Variants in TYW1 observed in about 807,000 individuals in gnomAD.
TYW1 encodes the protein S-adenosyl-L-methionine-dependent tRNA 4-demethylwyosine synthase TYW1.
TYW1 carries 46 observed loss-of-function variants against 96.2 expected under a neutral mutation model. The observed-to-expected ratio is 0.48, with a 90% confidence interval of 0.38 to 0.61. The LOEUF is 0.61. Among genes scored for constraint, TYW1 ranks in the 20% least tolerant of loss-of-function variants. The pLI is 0.00. For missense variants in TYW1, 684 were observed against 909.6 expected (o/e 0.75, Z 3.19); for synonymous variants, 274 against 323.0 (o/e 0.85, Z 1.63).
chr7:67,096,257 G>GCA (rs1796909385), intron 11 of TYW1, among the ~76,000 whole-genome samples: 1 of 152,034 alleles, frequency 6.6e-6, no homozygotes, highest in Non-Finnish European at 1.5e-5. Context: ...GGGCATGGTG[G>GCA]TGGGCACCTG....
At chr7:67,163,754 C>T (rs1260511897) in intron 13 of TYW1, among the ~76,000 whole-genome samples, 2 of 151,758 alleles carry the variant, frequency 1.3e-5, no homozygotes, top group East Asian at 1.9e-4. Flanking sequence ...CTGCAACCTC[C>T]GCCTCCTGGG....
At chr7:67,219,771 T>G (rs1801319789) in intron 15 of TYW1, among the ~76,000 whole-genome samples, 1 of 151,910 alleles carries the variant, frequency 6.6e-6, no homozygotes, top group African/African-American at 2.4e-5. Flanking sequence ...ATTTCTCTCC[T>G]TTTAAAAATT....
rs372198295 is a variant in TYW1, at chr7:67,000,623, A to G, written c.273+1669A>G. On this transcript the variant is annotated intron_variant, in intron 3 of 15. Transcript: ENST00000359626. ...CAAAAAATTTATTTAATTTTTTTGTAGAGACAAGATCTTGCAATCTTGTCC... is the reference window on the plus strand; with the variant it reads ...CAAAAAATTTATTTAATTTTTTTGTGGAGACAAGATCTTGCAATCTTGTCC... Among the ~76,000 whole-genome samples, 3 of 152,110 alleles carry G rather than the reference A, an allele frequency of 2.0e-5. No individual in the cohort carries two copies. In the East Asian group the frequency reaches 5.8e-4, roughly 29 times the overall value.
intron 15 of TYW1, among the ~76,000 whole-genome samples, chr7:67,231,860 T>C (rs1413953600): frequency 1.3e-5 from 2 of 149,902 alleles, no homozygotes; most frequent in East Asian, 3.9e-4. Flanking sequence ...ATTTTTTTTT[T>C]CTCCTTTCTG....
chr7:67,218,393 G>T (rs1368338545), intron 15 of TYW1, among the ~76,000 whole-genome samples: 1 of 148,762 alleles, frequency 6.7e-6, no homozygotes, highest in Non-Finnish European at 1.5e-5. Flanking sequence ...TCGCCCTGTT[G>T]CTCAGGCTCT....
In TYW1 at chr7:66,996,923, C is replaced by A. The variant is rs1305416027; in HGVS notation, c.-56C>A. On this transcript the variant is annotated 5_prime_UTR_variant, in exon 1 of 16. Coordinates refer to ENST00000359626, the MANE Select transcript of TYW1 (RefSeq NM_018264.4). ...CTCGGTGCGTCTCGCGGTACCAGTGCGAATCATCGGGCTATCCAGGTCCGA... is the reference window on the plus strand; with the variant it reads ...CTCGGTGCGTCTCGCGGTACCAGTGAGAATCATCGGGCTATCCAGGTCCGA... 2 of 1,612,994 alleles carry A rather than the reference C, an allele frequency of 1.2e-6. No individual in the cohort carries two copies. Among genetic ancestry groups the A allele is most frequent in the African/African-American group, 2.7e-5 (2 of 74,950 alleles).
chr7:67,193,551 G>A (rs949409501), intron 14 of TYW1, among the ~76,000 whole-genome samples: 11 of 152,128 alleles, frequency 7.2e-5, no homozygotes, highest in African/African-American at 2.7e-4. Context: ...TTGAGGTCAG[G>A]AGTTCAAGAC....
At chr7:67,013,537 A>G (rs1207283549) in intron 4 of TYW1, among the ~76,000 whole-genome samples, 1 of 152,102 alleles carries the variant, frequency 6.6e-6, no homozygotes, top group Non-Finnish European at 1.5e-5. Context: ...AACAATCTCA[A>G]ACACCAAATA....
At chr7:67,067,199 T>C (rs150639963) in intron 9 of TYW1, 86 bp from the exon 10 acceptor site, 4 of 1,414,030 alleles carry the variant, frequency 2.8e-6, no homozygotes, top group Middle Eastern at 1.8e-4. Flanking sequence ...ACGAAACACA[T>C]GGTTTCTCTT....
chr7:67,183,593 T>G (rs1458061112), intron 14 of TYW1, among the ~76,000 whole-genome samples: 2 of 152,190 alleles, frequency 1.3e-5, no homozygotes, highest in Non-Finnish European at 2.9e-5. Context: ...TTCAGACATA[T>G]ACGGAAGTAG....
intron 10 of TYW1, among the ~76,000 whole-genome samples, chr7:67,073,767 C>CAAAAAAA (rs71526599): frequency 4.7e-5 from 2 of 42,322 alleles, no homozygotes; most frequent in African/African-American, 1.0e-4. Context: ...CGAGACTCTT[C>CAAAAAAA]AAAAAAAAAA....
chr7:67,197,325 T>C (rs1490122592), intron 15 of TYW1, among the ~76,000 whole-genome samples: 3 of 123,986 alleles, frequency 2.4e-5, no homozygotes, highest in Non-Finnish European at 5.0e-5. Flanking sequence ...GAGACCTCTG[T>C]CTTTTTTTTT....
At chr7:67,217,190 A>C (rs1473083533) in intron 15 of TYW1, among the ~76,000 whole-genome samples, 1 of 151,916 alleles carries the variant, frequency 6.6e-6, no homozygotes, top group Non-Finnish European at 1.5e-5. Flanking sequence ...CATCATTTGC[A>C]ATTTTTTTCC....
At chr7:67,230,831 G>A (rs1801731729) in intron 15 of TYW1, among the ~76,000 whole-genome samples, 1 of 151,552 alleles carries the variant, frequency 6.6e-6, no homozygotes, top group African/African-American at 2.4e-5. Flanking sequence ...GTAGAGGCGG[G>A]GTTTCACCTT....
At chr7:67,199,654 C>T (rs936920041) in intron 15 of TYW1, among the ~76,000 whole-genome samples, 2 of 152,134 alleles carry the variant, frequency 1.3e-5, no homozygotes, top group African/African-American at 2.4e-5. Context: ...TTTATCAGTA[C>T]GGACTCAGGA....
chr7:67,124,776 A>C (rs148050118), intron 13 of TYW1, among the ~76,000 whole-genome samples: 5,121 of 152,236 alleles, frequency 0.034, 254 homozygotes, highest in African/African-American at 0.12. Context: ...TTCTGAATAC[A>C]AGTCCAGATA....
intron 1 of TYW1, 78 bp from the exon 2 acceptor site, chr7:66,997,987 A>G: frequency 6.7e-7 from 1 of 1,487,422 alleles, no homozygotes; most frequent in Admixed American, 2.5e-5. Flanking sequence ...GGTTGGTTTT[A>G]TTTTCTTCTT....
At chr7:67,030,616 T>C (rs1240146618) in intron 7 of TYW1, among the ~76,000 whole-genome samples, 1 of 152,024 alleles carries the variant, frequency 6.6e-6, no homozygotes, top group Non-Finnish European at 1.5e-5. Context: ...GGCCCAGATA[T>C]ATTCTTTATT....
chr7:67,197,378 T>G (rs1036076124), intron 15 of TYW1, among the ~76,000 whole-genome samples: 9 of 150,534 alleles, frequency 6.0e-5, no homozygotes, highest in Non-Finnish European at 1.3e-4. Flanking sequence ...CAGGCTGGAG[T>G]GCAGTGATGC....
Sources: gnomAD v4.1 joint callset for allele counts (sites outside exome capture counted in the v4.1 genomes callset) on GRCh38, gnomAD v4.1.1 for gene constraint, MANE v1.5 for transcripts, NCBI Gene and HGNC (gene_info 2026-07-23, HGNC 2026-07-21) for gene names.